GPHN: variants seen among roughly 807,000 people sequenced by gnomAD.
The protein encoded by GPHN is gephyrin.
Under a neutral mutation model 95.5 loss-of-function variants are expected in GPHN, and 17 were observed. The observed-to-expected ratio is 0.18, with a 90% CI of 0.12 to 0.27. GPHN has a LOEUF of 0.27. Among genes scored for constraint, GPHN ranks in the 10% least tolerant of loss-of-function variants. The probability of loss-of-function intolerance (pLI) is 1.00; values close to 1 mark genes in which losing one functional copy is unlikely to be tolerated. For missense variants in GPHN, 660 were observed against 978.1 expected, an observed-to-expected ratio of 0.67 and a Z score of 4.34; for synonymous variants, 320 against 322.5, an observed-to-expected ratio of 0.99 and a Z score of 0.08.
the GPHN span, chr14:67,659,655 C>T: frequency 7.0e-7 from 1 of 1,420,956 alleles, no homozygotes; most frequent in Non-Finnish European, 9.4e-7. Context: ...ACATGAAATA[C>T]CCCAACAATA....
the GPHN span, among the ~76,000 whole-genome samples, chr14:67,657,500 A>G: frequency 6.6e-6 from 1 of 152,178 alleles, no homozygotes; most frequent in Non-Finnish European, 1.5e-5. Context: ...TACAGACAGC[A>G]GGAAGAAAAA....
the GPHN span, chr14:67,316,917 AT>A: frequency 6.3e-7 from 1 of 1,599,948 alleles, no homozygotes; most frequent in East Asian, 2.2e-5. Flanking sequence ...AGACACTTGT[AT>A]TTGACATAAG....
At chr14:66,518,338 C>G (rs1314107030) in intron 1 of GPHN, among the ~76,000 whole-genome samples, 4 of 152,004 alleles carry the variant, frequency 2.6e-5, no homozygotes, top group South Asian at 2.1e-4. Context: ...CAAAGAATGA[C>G]AAATGCTGCC....
intron 19 of GPHN, among the ~76,000 whole-genome samples, chr14:67,161,911 A>G (rs185112655): frequency 5.9e-5 from 9 of 152,318 alleles, no homozygotes. Flanking sequence ...TCTGTTATTT[A>G]CCACTCACTT....
intron 13 of GPHN, among the ~76,000 whole-genome samples, chr14:67,104,422 G>A (rs2077921125): frequency 6.6e-6 from 1 of 152,158 alleles, no homozygotes; most frequent in Non-Finnish European, 1.5e-5. Context: ...AGAAGAGTTT[G>A]AGAAGAATTA....
intron 1 of GPHN, among the ~76,000 whole-genome samples, chr14:66,578,044 TAAC>T (rs1457127958): frequency 2.6e-5 from 4 of 152,058 alleles, no homozygotes; most frequent in East Asian, 1.9e-4. Flanking sequence ...TTATGAAAAT[TAAC>T]AATCTGAACA....
intron 2 of GPHN, among the ~76,000 whole-genome samples, chr14:66,694,062 G>A (rs12101118): frequency 0.25 from 38,353 of 151,960 alleles, 9,755 homozygotes; most frequent in African/African-American, 0.62. Context: ...TAGTTGCTGT[G>A]GTCTGAATGT....
intron 9 of GPHN, among the ~76,000 whole-genome samples, chr14:67,014,888 G>T (rs1325992890): frequency 6.6e-6 from 1 of 152,100 alleles, no homozygotes; most frequent in Non-Finnish European, 1.5e-5. Context: ...ACGATTGTTG[G>T]TACCAAGAGG....
chr14:67,599,342 C>A, the GPHN span, among the ~76,000 whole-genome samples: 1 of 152,158 alleles, frequency 6.6e-6, no homozygotes, highest in African/African-American at 2.4e-5. Context: ...GCTGGTATGG[C>A]AGGCATGAAT....
rs1022227041 is a variant in GPHN, at chr14:66,838,850, A to G, written c.294+14284A>G. Among the ~76,000 whole-genome samples, 5 of 152,276 alleles carry G rather than the reference A, an allele frequency of 3.3e-5. No individual in the cohort carries two copies. The South Asian group carries it at 6.2e-4, about 19-fold the overall frequency. The stretch of plus-strand genomic sequence containing the variant: ...AATGAGTACTTTATATCTGTCAAGT[A>G]CTATGAACTTCTCAGAATAATATCA... On this transcript the variant is annotated intron_variant, in intron 4 of 22. Coordinates refer to ENST00000478722, the MANE Select transcript of GPHN (RefSeq NM_020806.5).
At chr14:67,279,655 G>A in the GPHN span, 1 of 1,015,418 alleles carries the variant, frequency 9.8e-7, no homozygotes, top group Non-Finnish European at 1.4e-6. Context: ...TTGAATTCCA[G>A]ACCAAGATCC....
intron 13 of GPHN, among the ~76,000 whole-genome samples, chr14:67,102,349 C>T (rs2077757319): frequency 6.6e-6 from 1 of 152,154 alleles, no homozygotes; most frequent in Non-Finnish European, 1.5e-5. Context: ...CCAACTGCTA[C>T]TACCAAGCAA....
At chr14:66,639,210 A>C (rs1158677652) in intron 1 of GPHN, among the ~76,000 whole-genome samples, 2 of 151,940 alleles carry the variant, frequency 1.3e-5, no homozygotes, top group South Asian at 2.1e-4. Context: ...AAGTGGTGTT[A>C]TAAGTGTAAA....
intron 3 of GPHN, among the ~76,000 whole-genome samples, chr14:66,811,428 ATGTT>A (rs1343761750): frequency 2.0e-5 from 3 of 152,088 alleles, no homozygotes; most frequent in Non-Finnish European, 4.4e-5. Context: ...GTCTAATAAA[ATGTT>A]TGTGATTTTT....
intron 2 of GPHN, among the ~76,000 whole-genome samples, chr14:66,685,211 T>C (rs2153400319): frequency 6.6e-6 from 1 of 152,318 alleles, no homozygotes; most frequent in Non-Finnish European, 1.5e-5. Flanking sequence ...AATAAACATA[T>C]GTGTGCCATG....
chr14:66,983,777 G>A (rs1036056373), intron 9 of GPHN, among the ~76,000 whole-genome samples: 13 of 151,990 alleles, frequency 8.6e-5, no homozygotes, highest in African/African-American at 2.9e-4. Context: ...GAACTGAAAT[G>A]GTACAGGAAA....
chr14:66,735,071 A>T (rs971156958), intron 2 of GPHN, among the ~76,000 whole-genome samples: 6 of 152,166 alleles, frequency 3.9e-5, no homozygotes, highest in African/African-American at 1.4e-4. Flanking sequence ...CATTATTAAA[A>T]TCCATGAAAA....
At chr14:66,950,845 G>C (rs574460317) in intron 8 of GPHN, among the ~76,000 whole-genome samples, 1 of 152,056 alleles carries the variant, frequency 6.6e-6, no homozygotes, top group African/African-American at 2.4e-5. Context: ...CATTTTGAAG[G>C]GTATCCTTCA....
chr14:67,063,864 A>C (rs966744258), intron 11 of GPHN, among the ~76,000 whole-genome samples: 1 of 152,232 alleles, frequency 6.6e-6, no homozygotes, highest in Non-Finnish European at 1.5e-5. Context: ...ATAGACAATC[A>C]TGTCATCTGC....
Sources: allele counts gnomAD v4.1 joint callset (sites outside exome capture counted in the v4.1 genomes callset), GRCh38; gene constraint gnomAD v4.1.1; transcripts MANE v1.5; gene names NCBI Gene and HGNC (gene_info 2026-07-23, HGNC 2026-07-21).